Variants in MYPN observed in about 807,000 individuals in gnomAD.
MYPN encodes myopalladin, also known as sarcomeric protein myopalladin, 145 kDa (MYOP).
In MYPN, 63 loss-of-function variants were observed where a neutral mutation model predicts 129.4. The ratio of observed to expected loss-of-function variants is 0.49; its 90% CI spans 0.40 to 0.60. MYPN has a LOEUF of 0.60. Among genes scored for constraint, MYPN ranks in the 20% least tolerant of loss-of-function variants. The probability of loss-of-function intolerance (pLI) is 0.00; values close to 1 mark genes in which losing one functional copy is unlikely to be tolerated. For missense variants in MYPN, 1,596 were observed against 1,635.4 expected, an observed-to-expected ratio of 0.98 and a Z score of 0.42; for synonymous variants, 629 against 600.9, an observed-to-expected ratio of 1.05 and a Z score of -0.68.
intron 2 of MYPN, among the ~76,000 whole-genome samples, chr10:68,139,915 G>C (rs2042548539): frequency 6.6e-6 from 1 of 152,148 alleles, no homozygotes; most frequent in Non-Finnish European, 1.5e-5. Context: ...CTAGTGAAGG[G>C]AGCAAACCAC....
rs2043198832 is a variant in MYPN, at chr10:68,174,636, G to A, written c.2544G>A (p.Leu848=). The change falls in exon 11 of 20, where the codon CTG becomes CTA. Residue 848 remains leucine, a synonymous_variant. Transcript: ENST00000358913. ...TCCCACCCACAAATGCCATGGGGCTGCCTAGAAGTGCACCATCCATGTAAG... is the reference window on the plus strand; with the variant it reads ...TCCCACCCACAAATGCCATGGGGCTACCTAGAAGTGCACCATCCATGTAAG... ...PAIPPTNAMG[L]PRSAPSMPSQ... is the part of the protein sequence containing the mutation. The A allele has an allele frequency of 6.2e-7, 1 of 1,614,024 alleles. No homozygotes were observed. Among genetic ancestry groups the A allele is most frequent in the African/African-American group, 1.3e-5 (1 of 74,926 alleles).
At chr10:68,133,069 A>G (rs1564653732) in intron 2 of MYPN, among the ~76,000 whole-genome samples, 1 of 128,234 alleles carries the variant, frequency 7.8e-6, no homozygotes. Flanking sequence ...TCTGTCACCC[A>G]GGCTGGAGTG....
chr10:68,147,890 T>C (rs975671413), intron 4 of MYPN, among the ~76,000 whole-genome samples: 1 of 152,232 alleles, frequency 6.6e-6, no homozygotes, highest in South Asian at 2.1e-4. Flanking sequence ...CCATTTCTAC[T>C]TTCTGCCATG....
At chr10:68,092,805 A>G (rs200827446) in intron 1 of MYPN, among the ~76,000 whole-genome samples, 1 of 152,182 alleles carries the variant, frequency 6.6e-6, no homozygotes, top group East Asian at 1.9e-4. Context: ...TTTCTGAAGT[A>G]AGCAAAACAG....
chr10:68,101,582 A>G (rs763440816), upstream of MYPN, among the ~76,000 whole-genome samples: 7 of 152,190 alleles, frequency 4.6e-5, no homozygotes, highest in African/African-American at 1.4e-4. Flanking sequence ...GTTGCTTAAT[A>G]TAAGCTTTCA....
At chr10:68,130,149 T>C (rs1488334285) in intron 2 of MYPN, among the ~76,000 whole-genome samples, 5 of 152,202 alleles carry the variant, frequency 3.3e-5, no homozygotes, top group Admixed American at 2.6e-4. Context: ...TTCTTATTGA[T>C]TTATAAAACT....
At chr10:68,208,006 G>A (rs1462704955) in intron 19 of MYPN, among the ~76,000 whole-genome samples, 1 of 152,140 alleles carries the variant, frequency 6.6e-6, no homozygotes, top group Non-Finnish European at 1.5e-5. Context: ...AGCAAATCTA[G>A]GCCTTTGCAT....
upstream of MYPN, among the ~76,000 whole-genome samples, chr10:68,107,653 C>A (rs139023176): frequency 3.9e-4 from 59 of 152,070 alleles, no homozygotes; most frequent in African/African-American, 1.3e-3. Context: ...GCCCGGCCGG[C>A]TTCTTTTTTC....
At chr10:68,101,356 A>G (rs1277689863), upstream of MYPN, among the ~76,000 whole-genome samples, 7 of 152,202 alleles carry the variant, frequency 4.6e-5, no homozygotes, top group Admixed American at 3.9e-4. Flanking sequence ...TGTGTAGAAG[A>G]GTGGCAGGTA....
intron 11 of MYPN, 105 bp from the exon 12 acceptor site, chr10:68,175,218 A>G: frequency 8.1e-7 from 1 of 1,236,236 alleles, no homozygotes; most frequent in Non-Finnish European, 1.2e-6. Context: ...TAAGTGCCTA[A>G]TGACCGCTGG....
intron 6 of MYPN, among the ~76,000 whole-genome samples, chr10:68,157,887 A>G (rs2134133968): frequency 6.6e-6 from 1 of 151,788 alleles, no homozygotes; most frequent in South Asian, 2.1e-4. Flanking sequence ...ACCAATAAAA[A>G]AAAAACCCAA....
In MYPN at chr10:68,136,787, A is replaced by C. The variant is rs900183144; in HGVS notation, c.903-6153A>C. 67 of 1,486,526 alleles carry C rather than the reference A, an allele frequency of 4.5e-5. 2 individuals are homozygous for C. The South Asian group carries it at 7.0e-4, about 16-fold the overall frequency. The allele number at this position is 1,486,526 out of a possible 1,614,324, so 92.1% of individuals were successfully genotyped here. ...TAGATAATCCTATAATGTTTGTATA[A>C]TGGAAAGTATTAGTTTTGAAATAGC... On this transcript the variant is annotated intron_variant, in intron 2 of 19. Transcript: ENST00000358913.
At chr10:68,163,734 A>G (rs2043013542) in intron 8 of MYPN, among the ~76,000 whole-genome samples, 1 of 152,200 alleles carries the variant, frequency 6.6e-6, no homozygotes, top group African/African-American at 2.4e-5. Context: ...CAGAAATCCT[A>G]TCTATAGGAA....
chr10:68,211,387 A>T lies in MYPN; in HGVS notation c.*932A>T, dbSNP rs377538665. On this transcript the variant is annotated 3_prime_UTR_variant, in exon 20 of 20. Transcript: ENST00000358913. ...GAAAGTGTAGGAGGAAGGAAGAGAT[A>T]CAAACAAGGAGAGGAAATGATGGGA... 3 of 454,070 alleles carry T rather than the reference A, an allele frequency of 6.6e-6. No individual in the cohort carries two copies. 28.1% of individuals were successfully genotyped at this position (454,070 alleles called of 1,614,324 possible).
intron 2 of MYPN, among the ~76,000 whole-genome samples, chr10:68,142,299 A>T (rs1456521176): frequency 1.3e-5 from 2 of 152,192 alleles, no homozygotes; most frequent in African/African-American, 4.8e-5. Context: ...TTTATATAGT[A>T]TTTTTGGTAA....
chr10:68,205,008 T>G (rs1296790882), intron 18 of MYPN, among the ~76,000 whole-genome samples: 2 of 152,178 alleles, frequency 1.3e-5, no homozygotes, highest in African/African-American at 4.8e-5. Flanking sequence ...CCTGTGAGTT[T>G]CCACTCGACC....
chr10:68,097,716 C>A lies in MYPN; in HGVS notation c.-2+9724C>A, dbSNP rs184889460. On this transcript the variant is annotated intron_variant, in intron 1 of 6. Coordinates refer to the MYPN transcript ENST00000685154. The stretch of plus-strand genomic sequence containing the variant: ...ATACAGCTCTAAATACTAAATTACT[C>A]TCTTCCTAATTATAGCATTTATTTG... 4.5e-4 allele frequency among the ~76,000 whole-genome samples: 69 copies of A among 152,022 alleles called. 1 individual carries two copies. The East Asian group carries it at 0.013, about 29-fold the overall frequency.
At chr10:68,139,139 G>T (rs184292712) in intron 2 of MYPN, among the ~76,000 whole-genome samples, 107 of 152,142 alleles carry the variant, frequency 7.0e-4, no homozygotes, top group Admixed American at 2.4e-3. Flanking sequence ...CCTTCATTCC[G>T]GGACATTCAC....
intron 15 of MYPN, 74 bp from the exon 16 acceptor site, chr10:68,197,278 T>C: frequency 6.4e-7 from 1 of 1,562,888 alleles, no homozygotes; most frequent in East Asian, 2.3e-5. Context: ...TCTGTAGCCA[T>C]GCCTAAATGC....
Sources: allele counts gnomAD v4.1 joint callset (sites outside exome capture counted in the v4.1 genomes callset), GRCh38; gene constraint gnomAD v4.1.1; transcripts MANE v1.5; gene names NCBI Gene and HGNC (gene_info 2026-07-23, HGNC 2026-07-21).